TASP1: variants seen among roughly 807,000 people sequenced by gnomAD.
TASP1 encodes taspase 1.
TASP1 carries 16 observed loss-of-function variants against 56.6 expected under a neutral mutation model. The ratio of observed to expected loss-of-function variants is 0.28; its 90% CI spans 0.19 to 0.43. TASP1 has a LOEUF of 0.43. Among genes scored for constraint, TASP1 ranks in the 20% least tolerant of loss-of-function variants. The pLI is 1.00. For missense variants in TASP1, 393 were observed against 511.6 expected (o/e 0.77, Z 2.24); for synonymous variants, 179 against 184.2 (o/e 0.97, Z 0.23).
chr20:13,222,940 A>G, the TASP1 span, among the ~76,000 whole-genome samples: 1 of 152,206 alleles, frequency 6.6e-6, no homozygotes, highest in East Asian at 1.9e-4. Flanking sequence ...AGGCGGGTGG[A>G]TCACCTCAGG....
intron 13 of TASP1, among the ~76,000 whole-genome samples, chr20:13,399,776 G>A (rs1398132497): frequency 2.6e-5 from 4 of 152,154 alleles, no homozygotes. Context: ...TTACTCCCCA[G>A]TGGCTCCCAT....
intron 2 of TASP1, among the ~76,000 whole-genome samples, chr20:13,626,089 C>G (rs993738705): frequency 1.3e-5 from 2 of 152,192 alleles, no homozygotes. Flanking sequence ...TCCCTACCCA[C>G]CCCTAAAGCC....
intron 10 of TASP1, among the ~76,000 whole-genome samples, chr20:13,511,545 T>C (rs2044325337): frequency 6.6e-6 from 1 of 152,150 alleles, no homozygotes; most frequent in Non-Finnish European, 1.5e-5. Flanking sequence ...AAACTTAAAC[T>C]ACCCTTCACT....
intron 12 of TASP1, among the ~76,000 whole-genome samples, chr20:13,427,435 C>A (rs2042655114): frequency 6.6e-6 from 1 of 152,066 alleles, no homozygotes; most frequent in Non-Finnish European, 1.5e-5. Context: ...GCTATGTCTA[C>A]AATGATAAAA....
At chr20:13,268,155 C>CTTCT in the TASP1 span, among the ~76,000 whole-genome samples, 196 of 69,070 alleles carry the variant, frequency 2.8e-3, no homozygotes, top group African/African-American at 0.01. Context: ...TCTTCTCTTC[C>CTTCT]CTTCCCTTCT....
At chr20:13,488,879 T>C (rs1348653504) in intron 10 of TASP1, among the ~76,000 whole-genome samples, 1 of 152,050 alleles carries the variant, frequency 6.6e-6, no homozygotes. Context: ...GGTCCTCACC[T>C]CTATTCTTAA....
intron 4 of TASP1, chr20:13,617,074 T>C (rs2048549205): frequency 1.5e-5 from 7 of 455,592 alleles, no homozygotes; most frequent in Non-Finnish European, 1.8e-5. Flanking sequence ...AAGAAGGACA[T>C]GGATACTTGG....
At chr20:13,330,230 C>G in the TASP1 span, among the ~76,000 whole-genome samples, 1 of 152,184 alleles carries the variant, frequency 6.6e-6, no homozygotes, top group Non-Finnish European at 1.5e-5. Flanking sequence ...GCTGGGATTA[C>G]AGGCATGAGC....
At chr20:13,150,177 T>C in the TASP1 span, among the ~76,000 whole-genome samples, 3 of 152,228 alleles carry the variant, frequency 2.0e-5, no homozygotes, top group South Asian at 4.1e-4. Context: ...ACTCTTTATG[T>C]TCTTAACTCT....
chr20:13,548,491 C>T (rs1337573021), intron 8 of TASP1, among the ~76,000 whole-genome samples: 1 of 152,006 alleles, frequency 6.6e-6, no homozygotes, highest in African/African-American at 2.4e-5. Context: ...TCAAATAAAC[C>T]TTCATTAAAT....
the TASP1 span, among the ~76,000 whole-genome samples, chr20:13,315,441 G>C: frequency 2.6e-5 from 4 of 152,000 alleles, no homozygotes; most frequent in African/African-American, 9.7e-5. Flanking sequence ...GGGATAAAAC[G>C]AGTTGTTACG....
chr20:13,466,096 A>G (rs2044249073), intron 11 of TASP1, among the ~76,000 whole-genome samples: 1 of 152,178 alleles, frequency 6.6e-6, no homozygotes, highest in Non-Finnish European at 1.5e-5. Flanking sequence ...TCTGCAAGAC[A>G]TTAACATTAG....
At chr20:13,274,456 G>C in the TASP1 span, among the ~76,000 whole-genome samples, 1 of 152,136 alleles carries the variant, frequency 6.6e-6, no homozygotes, top group African/African-American at 2.4e-5. Context: ...CCCTTCCCCT[G>C]GCAACCTGCC....
chr20:13,153,747 T>C, the TASP1 span, among the ~76,000 whole-genome samples: 71 of 152,278 alleles, frequency 4.7e-4, no homozygotes, highest in African/African-American at 1.7e-3. Flanking sequence ...ACCAGCCCTC[T>C]AGCGTATCCT....
At chr20:13,468,018 AAAAAAC>A (rs151335556) in intron 11 of TASP1, among the ~76,000 whole-genome samples, 9,249 of 151,692 alleles carry the variant, frequency 0.061, 403 homozygotes, top group African/African-American at 0.13. Flanking sequence ...CTCCATCTCA[AAAAAAC>A]AAAAACAAAA....
chr20:13,422,536 T>A (rs1453957356), intron 12 of TASP1, among the ~76,000 whole-genome samples: 1 of 152,188 alleles, frequency 6.6e-6, no homozygotes, highest in African/African-American at 2.4e-5. Context: ...GGTTGATTCA[T>A]TAACAATGAA....
At chr20:13,133,960 G>C in the TASP1 span, among the ~76,000 whole-genome samples, 1 of 152,160 alleles carries the variant, frequency 6.6e-6, no homozygotes, top group Non-Finnish European at 1.5e-5. Context: ...CATCCCACTG[G>C]ACAAGCTGGG....
chr20:13,255,067 T>C, the TASP1 span, among the ~76,000 whole-genome samples: 9,321 of 152,194 alleles, frequency 0.061, 405 homozygotes, highest in Middle Eastern at 0.13. Context: ...AGCCCATAAA[T>C]AGAATAATTT....
At chr20:13,417,103 A>G (rs1163856638) in intron 13 of TASP1, among the ~76,000 whole-genome samples, 3 of 152,202 alleles carry the variant, frequency 2.0e-5, no homozygotes, top group African/African-American at 7.2e-5. Flanking sequence ...AGAAACATCC[A>G]TCTATGTCAG....
Sources: gnomAD v4.1 joint callset for allele counts (sites outside exome capture counted in the v4.1 genomes callset) on GRCh38, gnomAD v4.1.1 for gene constraint, MANE v1.5 for transcripts, NCBI Gene and HGNC (gene_info 2026-07-23, HGNC 2026-07-21) for gene names.